The following ARMC1 variants were observed in gnomAD, a reference collection of about 807,000 sequenced individuals.
The protein encoded by ARMC1 is armadillo repeat containing 1.
ARMC1 carries 16 observed loss-of-function variants against 31.4 expected under a neutral mutation model. The ratio of observed to expected loss-of-function variants is 0.51; its 90% CI spans 0.34 to 0.77. The LOEUF (loss-of-function observed/expected upper bound fraction) is 0.77. Among genes scored for constraint, ARMC1 ranks in the 30% least tolerant of loss-of-function variants. ARMC1 has a pLI of 0.01. For missense variants in ARMC1, 259 were observed against 347.5 expected (o/e 0.75, Z 2.02); for synonymous variants, 114 against 118.9 (o/e 0.96, Z 0.27).
intron 4 of ARMC1, among the ~76,000 whole-genome samples, chr8:65,611,771 T>A (rs951231435): frequency 4.6e-5 from 7 of 151,490 alleles, no homozygotes; most frequent in African/African-American, 7.3e-5. Flanking sequence ...ACACTTTCAC[T>A]TTTTTTTTCT....
chr8:65,631,742 C>T (rs13268343), intron 1 of ARMC1, among the ~76,000 whole-genome samples: 96,693 of 151,984 alleles, frequency 0.64, 30,971 homozygotes, highest in African/African-American at 0.69. Context: ...TAAAAATGTC[C>T]GCCTTTGCTG....
At chr8:65,604,637 C>T (rs779917112) in intron 6 of ARMC1, 52 bp from the exon 7 acceptor site, 53 of 1,523,204 alleles carry the variant, frequency 3.5e-5, no homozygotes, top group Non-Finnish European at 4.6e-5. Context: ...ACTCCTTATT[C>T]TAATTACCGT....
intron 3 of ARMC1, among the ~76,000 whole-genome samples, chr8:65,621,942 ATTT>A (rs1001829984): frequency 6.8e-6 from 1 of 148,054 alleles, no homozygotes; most frequent in African/African-American, 2.5e-5. Context: ...TAAAATTGAA[ATTT>A]TTTTTTTTTT....
chr8:65,629,577 G>T (rs7815488), intron 1 of ARMC1, among the ~76,000 whole-genome samples: 96,344 of 151,640 alleles, frequency 0.64, 30,827 homozygotes, highest in African/African-American at 0.69. Flanking sequence ...AAGGCAGGCG[G>T]ATCATGAGGT....
At chr8:65,618,900 G>C (rs189893235) in intron 3 of ARMC1, among the ~76,000 whole-genome samples, 1 of 152,090 alleles carries the variant, frequency 6.6e-6, no homozygotes, top group African/African-American at 2.4e-5. Flanking sequence ...AAAATTAGCC[G>C]GGCGTGGTGG....
At chr8:65,625,622 AT>A (rs1808495578) in intron 2 of ARMC1, among the ~76,000 whole-genome samples, 1 of 152,058 alleles carries the variant, frequency 6.6e-6, no homozygotes, top group African/African-American at 2.4e-5. Flanking sequence ...CTTTCTTCTC[AT>A]CCTTCTTGCA....
chr8:65,622,925 G>C (rs1585716319), intron 2 of ARMC1, among the ~76,000 whole-genome samples: 1 of 151,248 alleles, frequency 6.6e-6, no homozygotes, highest in Non-Finnish European at 1.5e-5. Flanking sequence ...AGAATTGCTT[G>C]AACACGGGAG....
chr8:65,606,653 G>A (rs1808012173), intron 4 of ARMC1, among the ~76,000 whole-genome samples: 1 of 152,066 alleles, frequency 6.6e-6, no homozygotes, highest in South Asian at 2.1e-4. Context: ...TCAATGCAGG[G>A]TACTACATTA....
intron 1 of ARMC1, among the ~76,000 whole-genome samples, chr8:65,627,737 G>A (rs779338105): frequency 1.4e-4 from 21 of 152,168 alleles, no homozygotes; most frequent in Non-Finnish European, 2.9e-4. Context: ...AAGCTAGTAA[G>A]CTTTGCTATA....
chr8:65,607,714 A>G (rs982188438), intron 4 of ARMC1, among the ~76,000 whole-genome samples: 2 of 152,214 alleles, frequency 1.3e-5, no homozygotes, highest in African/African-American at 4.8e-5. Context: ...AAGTTCCAAA[A>G]TCATCAGACT....
chr8:65,632,474 G>A (rs1456081810), intron 1 of ARMC1, among the ~76,000 whole-genome samples: 2 of 152,086 alleles, frequency 1.3e-5, no homozygotes, highest in African/African-American at 2.4e-5. Context: ...TTAGCCAGGC[G>A]TGGTGGGGGG....
At position 65,602,955 on chromosome 8, in the gene ARMC1, C is replaced by G. The variant is rs1276475767; in HGVS notation, c.*1439G>C. The G allele has an allele frequency of 6.6e-6, 1 of 151,924 alleles. No individual in the cohort carries two copies. Among genetic ancestry groups the G allele is most frequent in the Non-Finnish European group, 1.5e-5 (1 of 67,986 alleles). 9.4% of individuals were successfully genotyped at this position (151,924 alleles called of 1,614,324 possible). On this transcript the variant is annotated 3_prime_UTR_variant, in exon 7 of 7. Transcript: ENST00000276569. ...TGACAATGTTAGTGAACTCAAGACT[C>G]TCACTGATGATGGTATTTTACAATG...
At chr8:65,630,666 A>G (rs1808623668) in intron 1 of ARMC1, among the ~76,000 whole-genome samples, 2 of 152,178 alleles carry the variant, frequency 1.3e-5, no homozygotes, top group Admixed American at 1.3e-4. Context: ...TAAAAATACA[A>G]AAATTAGCTG....
rs985191191 is a variant in ARMC1, at chr8:65,603,074, A to G, written c.*1320T>C. ...TACATGTTGATGAAAAGAAATTTCA[A>G]TTTCTTCCTATTTGTTTTTACTCAT... is the stretch of plus-strand genomic sequence containing the variant. On this transcript the variant is annotated 3_prime_UTR_variant, in exon 7 of 7. Transcript: ENST00000276569. 1 of 152,102 alleles carries G rather than the reference A, an allele frequency of 6.6e-6. No individual in the cohort carries two copies. Among genetic ancestry groups the G allele is most frequent in the Non-Finnish European group, 1.5e-5 (1 of 68,000 alleles). The allele number at this position is 152,102 out of a possible 1,614,324, so 9.4% of individuals were successfully genotyped here. A position where few individuals can be genotyped will look rare whatever the true frequency, so the allele number is the denominator to read the frequency against.
rs527281101 is a variant in ARMC1 at position 65,624,236 on chromosome 8, C to T, written c.184-1882G>A. 3.3e-5 allele frequency among the ~76,000 whole-genome samples: 5 copies of T among 151,928 alleles called. No homozygotes were observed. In the East Asian group the frequency reaches 5.8e-4, roughly 18 times the overall value. On this transcript the variant is annotated intron_variant, in intron 2 of 6. Coordinates refer to ENST00000276569, the MANE Select transcript of ARMC1 (RefSeq NM_018120.6). ...TTTTTTTGCTAGGCATGGTGGCTCA[C>T]GCCTATAATCTCAGTACCTTGGGAA...
intron 3 of ARMC1, among the ~76,000 whole-genome samples, chr8:65,614,774 C>G (rs1239079160): frequency 6.6e-6 from 1 of 152,178 alleles, no homozygotes; most frequent in African/African-American, 2.4e-5. Context: ...TTGTTCAGGT[C>G]TTTCCTTAGC....
chr8:65,629,446 A>G (rs150793202), intron 1 of ARMC1, among the ~76,000 whole-genome samples: 2 of 152,332 alleles, frequency 1.3e-5, no homozygotes, highest in Non-Finnish European at 2.9e-5. Flanking sequence ...ACAAAGTCGT[A>G]GTAGGAATAA....
intron 3 of ARMC1, among the ~76,000 whole-genome samples, chr8:65,620,127 CAA>C (rs879272067): frequency 4.7e-5 from 6 of 127,896 alleles, no homozygotes; most frequent in Non-Finnish European, 3.3e-5. Flanking sequence ...GACCTGGTCT[CAA>C]AAAAAAAAAA....
chr8:65,632,028 C>T (rs1322077712), intron 1 of ARMC1, among the ~76,000 whole-genome samples: 2 of 152,180 alleles, frequency 1.3e-5, no homozygotes, highest in African/African-American at 4.8e-5. Flanking sequence ...GATAGGGTCT[C>T]GCTCTGTTGC....
Sources: gnomAD v4.1 joint callset for allele counts (sites outside exome capture counted in the v4.1 genomes callset) on GRCh38, gnomAD v4.1.1 for gene constraint, MANE v1.5 for transcripts, NCBI Gene and HGNC (gene_info 2026-07-23, HGNC 2026-07-21) for gene names.